TDP1: variants seen among roughly 807,000 people sequenced by gnomAD.
TDP1 encodes tyr-DNA phosphodiesterase 1.
In TDP1, 64 loss-of-function variants were observed where a neutral mutation model predicts 81.5. That is an observed-to-expected ratio of 0.79 (90% CI 0.64 to 0.97). The LOEUF (loss-of-function observed/expected upper bound fraction) is 0.97. Ranked by LOEUF, TDP1 falls within the 50% of genes least tolerant of loss-of-function variation. The pLI is 0.00. For synonymous variants in TDP1, 256 were observed against 264.3 expected (o/e 0.97, Z 0.30); for missense variants, 723 against 743.8 (o/e 0.97, Z 0.33).
At chr14:89,974,830 C>A (rs151039094) in intron 6 of TDP1, among the ~76,000 whole-genome samples, 3 of 152,166 alleles carry the variant, frequency 2.0e-5, no homozygotes, top group Non-Finnish European at 4.4e-5. Flanking sequence ...GAAACTTTTA[C>A]GGTTATTTAA....
chr14:89,990,779 A>G (rs1020301881), intron 12 of TDP1, among the ~76,000 whole-genome samples: 2 of 152,004 alleles, frequency 1.3e-5, no homozygotes, highest in African/African-American at 2.4e-5. Context: ...GACATGCCCT[A>G]TTTGATATGT....
At chr14:89,965,459 G>A (rs1566846669) in intron 3 of TDP1, among the ~76,000 whole-genome samples, 1 of 152,168 alleles carries the variant, frequency 6.6e-6, no homozygotes, top group Non-Finnish European at 1.5e-5. Flanking sequence ...AGTAATGGAT[G>A]GGAAGTGCCA....
In TDP1 at chr14:90,043,703, A is replaced by G. The variant is rs1276953421; in HGVS notation, c.*560A>G. 1 of 166,996 alleles carries G rather than the reference A, an allele frequency of 6.0e-6. No individual in the cohort carries two copies. Among genetic ancestry groups the G allele is most frequent in the East Asian group, 1.7e-4 (1 of 5,952 alleles). The allele number at this position is 166,996 out of a possible 1,614,324, so 10.3% of individuals were successfully genotyped here. The stretch of plus-strand genomic sequence containing the variant: ...TGGAGCATCATGTCAGCACTCAAAA[A>G]GTTCTGGATCTTGGAGCAGTTCAGA... On this transcript the variant is annotated 3_prime_UTR_variant, in exon 17 of 17. Coordinates refer to ENST00000335725, the MANE Select transcript of TDP1 (RefSeq NM_018319.4).
At chr14:89,964,396 C>G (rs1218027687) in intron 3 of TDP1, among the ~76,000 whole-genome samples, 1 of 152,188 alleles carries the variant, frequency 6.6e-6, no homozygotes, top group Admixed American at 6.5e-5. Context: ...ACCTAACATT[C>G]TCTGAATTTT....
chr14:89,967,815 T>G (rs1893130951), intron 5 of TDP1, among the ~76,000 whole-genome samples: 1 of 152,230 alleles, frequency 6.6e-6, no homozygotes, highest in African/African-American at 2.4e-5. Flanking sequence ...TGAGGATCCC[T>G]TTGTGTTTCT....
chr14:89,967,320 T>C (rs1209305540), intron 4 of TDP1, 47 bp from the exon 5 acceptor site: 5 of 1,567,262 alleles, frequency 3.2e-6, no homozygotes, highest in Non-Finnish European at 2.6e-6. Context: ...ATGAACTGTT[T>C]GGCAGAATTA....
At chr14:90,033,513 TCTA>T (rs1887521896) in intron 16 of TDP1, 1 of 398,328 alleles carries the variant, frequency 2.5e-6, no homozygotes, top group South Asian at 2.1e-5. Context: ...ATGCGTCAAA[TCTA>T]CTGAGCACCA....
intron 16 of TDP1, among the ~76,000 whole-genome samples, chr14:90,034,504 T>G (rs35037990): frequency 0.025 from 3,872 of 152,308 alleles, 148 homozygotes; most frequent in African/African-American, 0.085. Flanking sequence ...TACCCACCTA[T>G]GTCTGGCCTG....
At chr14:90,035,733 CT>C (rs543354253) in intron 16 of TDP1, among the ~76,000 whole-genome samples, 1,053 of 138,824 alleles carry the variant, frequency 7.6e-3, no homozygotes, top group Middle Eastern at 0.011. Flanking sequence ...CCTTTTCTTC[CT>C]TTTTTTTTTT....
chr14:89,975,851 G>T (rs775595512), intron 7 of TDP1, 36 bp downstream of exon 7: 2 of 1,573,782 alleles, frequency 1.3e-6, no homozygotes, highest in East Asian at 4.5e-5. Context: ...AACCCCTCAA[G>T]CATTGTCATT....
intron 5 of TDP1, 29 bp downstream of exon 5, chr14:89,967,451 T>C (rs139517573): frequency 1.1e-5 from 17 of 1,593,576 alleles, no homozygotes; most frequent in Middle Eastern, 3.3e-4. Flanking sequence ...CAGACAACAC[T>C]ATAAACTGTA....
intron 7 of TDP1, among the ~76,000 whole-genome samples, chr14:89,977,147 C>T (rs1380773767): frequency 6.6e-6 from 1 of 152,000 alleles, no homozygotes; most frequent in Non-Finnish European, 1.5e-5. Context: ...AGAGTGAGAC[C>T]CTGTCTCGAA....
At chr14:90,042,096 C>T (rs1278025491) in intron 16 of TDP1, among the ~76,000 whole-genome samples, 2 of 152,182 alleles carry the variant, frequency 1.3e-5, no homozygotes, top group Non-Finnish European at 2.9e-5. Context: ...GTACCATACC[C>T]AGGCATGTTG....
chr14:90,005,852 A>G (rs1713170397), intron 14 of TDP1, among the ~76,000 whole-genome samples: 1 of 152,240 alleles, frequency 6.6e-6, no homozygotes, highest in Non-Finnish European at 1.5e-5. Context: ...ATAGTATTCT[A>G]AATACCAATT....
Position 89,984,614 on chromosome 14 carries a change from T to C in TDP1, c.983T>C (p.Met328Thr), listed in dbSNP as rs745797232. 3 of 1,614,106 alleles carry C rather than the reference T, an allele frequency of 1.9e-6. No homozygotes were observed. Among genetic ancestry groups the C allele is most frequent in the Non-Finnish European group, 2.5e-6 (3 of 1,180,046 alleles). Residue 328 changes from methionine (M) to threonine (T), a missense_variant, in exon 9 of 17, where the codon ATG becomes ACG. Transcript: ENST00000335725. ...AAAGCTGATCTCATCAGTTACTTGA[T>C]GGCTTATAATGCCCCTTCTCTCAAG... ...HFKADLISYL[M>T]AYNAPSLKEW...
chr14:89,984,353 T>C (rs1157252787), intron 8 of TDP1, 163 bp from the exon 9 acceptor site: 55 of 985,380 alleles, frequency 5.6e-5, no homozygotes, highest in Middle Eastern at 5.2e-4. Context: ...TGAGAAACCA[T>C]TGGAGTGGTG....
At chr14:90,020,061 G>T (rs995835259) in intron 15 of TDP1, among the ~76,000 whole-genome samples, 1 of 152,212 alleles carries the variant, frequency 6.6e-6, no homozygotes, top group Non-Finnish European at 1.5e-5. Flanking sequence ...AGCACAGCCA[G>T]CTTGTCTCCT....
chr14:90,032,454 C>G (rs1237916247), intron 15 of TDP1, among the ~76,000 whole-genome samples: 1 of 151,972 alleles, frequency 6.6e-6, no homozygotes. Flanking sequence ...CACGAGGGGG[C>G]ACATCGGTCA....
chr14:89,993,205 A>G (rs1896366420), intron 13 of TDP1, 171 bp from the exon 14 acceptor site: 2 of 947,562 alleles, frequency 2.1e-6, no homozygotes, highest in Non-Finnish European at 1.3e-6. Flanking sequence ...TAATTCTAAA[A>G]TGGGCATGCG....
Sources: gnomAD v4.1 joint callset for allele counts (sites outside exome capture counted in the v4.1 genomes callset) on GRCh38, gnomAD v4.1.1 for gene constraint, MANE v1.5 for transcripts, NCBI Gene and HGNC (gene_info 2026-07-23, HGNC 2026-07-21) for gene names.